TLE2: variants seen among roughly 807,000 people sequenced by gnomAD.
The protein encoded by TLE2 is transducin-like enhancer protein 2.
TLE2 carries 74 observed loss-of-function variants against 97.2 expected under a neutral mutation model. The ratio of observed to expected loss-of-function variants is 0.76; its 90% confidence interval spans 0.63 to 0.92. The LOEUF is 0.92. Among genes scored for constraint, TLE2 ranks in the 40% least tolerant of loss-of-function variants. TLE2 has a pLI of 0.00. For synonymous variants in TLE2, 499 were observed against 432.1 expected (o/e 1.15, Z -1.92); for missense variants, 1,038 against 1,008.7 (o/e 1.03, Z -0.39).
At position 3,015,632 on chromosome 19, in the gene TLE2, C is replaced by A. The variant is rs375719827; in HGVS notation, c.678+21G>T. On this transcript the variant is annotated intron_variant, in intron 9 of 19. Coordinates refer to ENST00000262953, the MANE Select transcript of TLE2 (RefSeq NM_003260.5). ...CTGGGCCATGCACGCCCATCCCAGT[C>A]CTGCACCTGCCCCCACTCACATAAG... 4 of 1,582,798 alleles carry A rather than the reference C, an allele frequency of 2.5e-6. No individual in the cohort carries two copies. The African/African-American group carries it at 4.0e-5, about 16-fold the overall frequency.
At position 3,019,489 on chromosome 19, in the gene TLE2, C is replaced by T. The variant is rs767645371; in HGVS notation, c.370-26G>A. The T allele has an allele frequency of 4.1e-5, 61 of 1,492,712 alleles. No individual in the cohort carries two copies. The highest frequency in any genetic ancestry group is 5.1e-5 in the Non-Finnish European group (57 of 1,124,620). 92.5% of individuals were successfully genotyped at this position (1,492,712 alleles called of 1,614,324 possible). A position where few individuals can be genotyped will look rare whatever the true frequency, so the allele number is the denominator to read the frequency against. ...CTGCTAGAAAGGAGGCAGGATGGGC[C>T]GGGGCGGGGGGCGGCAGGAGCCCAG... is the stretch of plus-strand genomic sequence containing the variant. On this transcript the variant is annotated intron_variant, in intron 6 of 19. Coordinates refer to ENST00000262953, the MANE Select transcript of TLE2 (RefSeq NM_003260.5). This position sits in a 1 kb window ranked among gnomAD's most constrained non-coding sequence, Gnocchi z 5.1.
At chr19:3,034,168 G>A (rs72973268), upstream of TLE2, among the ~76,000 whole-genome samples, 1,029 of 151,870 alleles carry the variant, frequency 6.8e-3, 7 homozygotes, top group Middle Eastern at 0.021. Flanking sequence ...CATCACCCTA[G>A]CCCTCTATTC....
chr19:3,042,141 G>A (rs953786950), intron 1 of TLE2, among the ~76,000 whole-genome samples: 5 of 150,262 alleles, frequency 3.3e-5, no homozygotes, highest in Middle Eastern at 3.2e-3. Context: ...CCGAGAAGGG[G>A]GTGTAGGAGG....
At chr19:3,017,044 C>G (rs1341814992) in intron 8 of TLE2, among the ~76,000 whole-genome samples, 5 of 114,488 alleles carry the variant, frequency 4.4e-5, no homozygotes, top group African/African-American at 2.7e-4. Flanking sequence ...TCCCAAAGTA[C>G]TGGGGTTTTA....
upstream of TLE2, chr19:3,029,510 G>A (rs2090003532): frequency 2.0e-6 from 2 of 976,724 alleles, no homozygotes; most frequent in Non-Finnish European, 2.4e-6. Context: ...AGGGGCGGGA[G>A]AAGAAAAACC....
At chr19:3,023,182 G>A (rs1371912408) in intron 5 of TLE2, among the ~76,000 whole-genome samples, 3 of 151,898 alleles carry the variant, frequency 2.0e-5, no homozygotes, top group Admixed American at 2.0e-4. Flanking sequence ...AGCCTCCCGA[G>A]TAGCTGGGAC....
rs1281890944 is a variant in TLE2, at chr19:3,029,058, G to GGCGCGCCCCCAAGCGC, written c.-170_-155dup. 8 of 1,360,776 alleles carry GGCGCGCCCCCAAGCGC rather than the reference G, an allele frequency of 5.9e-6. No individual in the cohort carries two copies. The highest frequency in any genetic ancestry group is 7.6e-6 in the Non-Finnish European group (8 of 1,053,926). The allele number at this position is 1,360,776 out of a possible 1,614,324, so 84.3% of individuals were successfully genotyped here. On this transcript the variant is annotated 5_prime_UTR_variant, in exon 1 of 20. Coordinates refer to ENST00000262953, the MANE Select transcript of TLE2 (RefSeq NM_003260.5). ...CGGGGCAAGGGACCCTGGAGTCCCTGGCGCGCCCCCAAGCGCGCGCGCCCG... is the reference window on the plus strand; with the variant it reads ...CGGGGCAAGGGACCCTGGAGTCCCTGGCGCGCCCCCAAGCGCGCGCGCCCCCAAGCGCGCGCGCCCG...
chr19:3,010,678 C>G (rs1002286545), intron 12 of TLE2, among the ~76,000 whole-genome samples: 4 of 152,170 alleles, frequency 2.6e-5, no homozygotes, highest in Admixed American at 1.3e-4. Flanking sequence ...AACTGAGGCT[C>G]AGAGAGGTTG....
chr19:2,998,229 C>A (rs2089261395), intron 19 of TLE2, among the ~76,000 whole-genome samples: 1 of 141,308 alleles, frequency 7.1e-6, no homozygotes, highest in Non-Finnish European at 1.5e-5. Context: ...CGCAACCACG[C>A]CCGGCCAATG....
Position 3,028,355 on chromosome 19 carries a change from G to A in TLE2, c.150C>T (p.Ala50=). 1 of 1,609,258 alleles carries A rather than the reference G, an allele frequency of 6.2e-7. No homozygotes were observed. The highest frequency in any genetic ancestry group is 1.7e-4 in the Middle Eastern group (1 of 6,024). The change falls in exon 3 of 20, where the codon GCC becomes GCT. Residue 50 remains alanine, a synonymous_variant. Transcript: ENST00000262953. ...GTCGCTGCATTTCCGTCTTCTCGCTGGCCAGCTTCTCACATTCTAGCTTGA... is the reference window on the plus strand; with the variant it reads ...GTCGCTGCATTTCCGTCTTCTCGCTAGCCAGCTTCTCACATTCTAGCTTGA... ...HSLKLECEKL[A]SEKTEMQRHY...
rs1599247884 is a variant in TLE2 at position 3,028,971 on chromosome 19, G to A, written c.-67C>T. 4 of 1,579,936 alleles carry A rather than the reference G, an allele frequency of 2.5e-6. No individual in the cohort carries two copies. In the South Asian group the frequency reaches 3.5e-5, roughly 14 times the overall value. ...ATGATATGGAGGCGGCAAGAGTGGGGGAGGCTGAAGTGGGGTGGTGGGGAG... is the reference window on the plus strand; with the variant it reads ...ATGATATGGAGGCGGCAAGAGTGGGAGAGGCTGAAGTGGGGTGGTGGGGAG... On this transcript the variant is annotated 5_prime_UTR_variant, in exon 1 of 20. Transcript: ENST00000262953.
At position 3,019,223 on chromosome 19, in the gene TLE2, G is replaced by A; in HGVS notation, c.550+60C>T. On this transcript the variant is annotated intron_variant, in intron 7 of 19. Coordinates refer to ENST00000262953, the MANE Select transcript of TLE2 (RefSeq NM_003260.5). The surrounding 1 kb of genome is among the most constrained non-coding windows in gnomAD (Gnocchi z 5.1). ...ACGCTGATGTTTGCTACCCTGGACTGCCAGTCGTCCTCCCCAGCCCCGTCT... is the reference window on the plus strand; with the variant it reads ...ACGCTGATGTTTGCTACCCTGGACTACCAGTCGTCCTCCCCAGCCCCGTCT... 6.5e-7 allele frequency: 1 copy of A among 1,532,874 alleles called. No homozygotes were observed. The highest frequency in any genetic ancestry group is 2.4e-5 in the East Asian group (1 of 40,958). 95.0% of individuals were successfully genotyped at this position (1,532,874 alleles called of 1,614,324 possible).
rs1385504883 is a variant in TLE2 at position 3,029,138 on chromosome 19, G to A, written c.-234C>T. ...GTGCGCGGGGCGAGCGGGGCGGGCAGGGGCAGCGGCCGGGGCGGGAGCGCG... is the reference window on the plus strand; with the variant it reads ...GTGCGCGGGGCGAGCGGGGCGGGCAAGGGCAGCGGCCGGGGCGGGAGCGCG... On this transcript the variant is annotated 5_prime_UTR_variant, in exon 1 of 20. Coordinates refer to ENST00000262953, the MANE Select transcript of TLE2 (RefSeq NM_003260.5). The A allele has an allele frequency of 6.7e-6, 7 of 1,040,714 alleles. No homozygotes were observed. In the African/African-American group the frequency reaches 6.9e-5, roughly 10 times the overall value. 64.5% of individuals were successfully genotyped at this position (1,040,714 alleles called of 1,614,324 possible).
intron 9 of TLE2, 22 bp from the exon 10 acceptor site, chr19:3,014,636 A>G: frequency 6.3e-7 from 1 of 1,585,438 alleles, no homozygotes; most frequent in Non-Finnish European, 8.6e-7. Context: ...TGGGGGAGAG[A>G]GCTCATTGTG....
Position 3,019,391 on chromosome 19 carries a change from C to G in TLE2, c.442G>C (p.Gly148Arg). 5 of 1,544,436 alleles carry G rather than the reference C, an allele frequency of 3.2e-6. No homozygotes were observed. Among genetic ancestry groups the G allele is most frequent in the Non-Finnish European group, 4.3e-6 (5 of 1,151,214 alleles). ...LTPRPAGLVGGSATGLLALSG... is the reference protein window; with the variant it reads ...LTPRPAGLVGRSATGLLALSG... ...AGAGCAAGCAGCCCCGTAGCACTGC[C>G]GCCCACCAGCCCGGCTGGGCGGGGG... The change falls in exon 7 of 20, where the codon GGC (glycine) becomes CGC (arginine). Residue 148 changes from glycine to arginine, a missense_variant. Coordinates refer to ENST00000262953, the MANE Select transcript of TLE2 (RefSeq NM_003260.5). This position sits in a 1 kb window ranked among gnomAD's most constrained non-coding sequence, Gnocchi z 5.1.
intron 11 of TLE2, among the ~76,000 whole-genome samples, chr19:3,011,970 C>A (rs187362267): frequency 6.6e-6 from 1 of 151,904 alleles, no homozygotes; most frequent in Admixed American, 6.6e-5. Context: ...ATCAGACAGG[C>A]GCTGTGGCTC....
rs1370958516 is a variant in TLE2 at position 3,019,837 on chromosome 19, T to C, written c.295-64A>G. On this transcript the variant is annotated intron_variant, in intron 5 of 19. Transcript: ENST00000262953. The surrounding 1 kb of genome is among the most constrained non-coding windows in gnomAD (Gnocchi z 5.1). Reference sequence around the variant, plus strand: ...CCCCTGCTCATGCTAGCGGTGCCCTTGGGGACCTGACCTCTCCCCGCCACC... The same window carrying C: ...CCCCTGCTCATGCTAGCGGTGCCCTCGGGGACCTGACCTCTCCCCGCCACC... The C allele has an allele frequency of 6.4e-7, 1 of 1,555,966 alleles. No homozygotes were observed. Among genetic ancestry groups the C allele is most frequent in the African/African-American group, 1.4e-5 (1 of 73,746 alleles).
chr19:2,997,767 G>A lies in TLE2; in HGVS notation c.*81C>T. 2.0e-6 allele frequency: 2 copies of A among 1,005,876 alleles called. No homozygotes were observed. The highest frequency in any genetic ancestry group is 2.8e-5 in the South Asian group (2 of 72,186). The allele number at this position is 1,005,876 out of a possible 1,614,324, so 62.3% of individuals were successfully genotyped here. A position where few individuals can be genotyped will look rare whatever the true frequency, so the allele number is the denominator to read the frequency against. ...ATGTACGGTTCCTAGGCAGGGCTGG[G>A]AGGCGGCTGCTAGGATGTCTGTCCT... On this transcript the variant is annotated 3_prime_UTR_variant, in exon 20 of 20. Transcript: ENST00000262953.
intron 18 of TLE2, among the ~76,000 whole-genome samples, chr19:3,001,692 C>G (rs2089363501): frequency 6.6e-6 from 1 of 151,288 alleles, no homozygotes; most frequent in Non-Finnish European, 1.5e-5. Flanking sequence ...CCAGGCTGGT[C>G]TTGAACTCCT....
Sources: allele counts gnomAD v4.1 joint callset (sites outside exome capture counted in the v4.1 genomes callset), GRCh38; gene constraint gnomAD v4.1.1; non-coding constraint Gnocchi (gnomAD v3.1); transcripts MANE v1.5; gene names NCBI Gene and HGNC (gene_info 2026-07-23, HGNC 2026-07-21).